Variants in CAMK2N2 observed in about 807,000 individuals in gnomAD.
The protein encoded by CAMK2N2 is calcium/calmodulin-dependent protein kinase II inhibitor 2.
In CAMK2N2, 3 loss-of-function variants were observed where a neutral mutation model predicts 7.8. That is an observed-to-expected ratio of 0.38 (90% CI 0.18 to 0.99). The LOEUF is 0.99. Ranked by LOEUF, CAMK2N2 falls within the 50% of genes least tolerant of loss-of-function variation. CAMK2N2 has a pLI of 0.37. For missense variants in CAMK2N2, 85 were observed against 108.4 expected (o/e 0.78, Z 0.96); for synonymous variants, 45 against 46.6 (o/e 0.97, Z 0.14).
rs73051621 is a variant in CAMK2N2 at position 184,260,534 on chromosome 3, C to T, written c.170-307G>A. 9.0e-4 allele frequency among the ~76,000 whole-genome samples: 137 copies of T among 152,304 alleles called. No homozygotes were observed. The highest frequency in any genetic ancestry group is 3.3e-3 in the African/African-American group (136 of 41,580). ...CTGAGTTGATCAGAAACCTCTTGCT[C>T]ACGGAATCCCCCTCTTCAACCCGCA... is the stretch of plus-strand genomic sequence containing the variant. On this transcript the variant is annotated intron_variant, in intron 1 of 1. Coordinates refer to ENST00000296238, the MANE Select transcript of CAMK2N2 (RefSeq NM_033259.3). This position sits in a 1 kb window ranked among gnomAD's most constrained non-coding sequence, Gnocchi z 6.6.
chr3:184,260,297 C>G lies in CAMK2N2; in HGVS notation c.170-70G>C. 8.2e-6 allele frequency: 12 copies of G among 1,456,304 alleles called. No homozygotes were observed. Among genetic ancestry groups the G allele is most frequent in the Non-Finnish European group, 1.1e-5 (12 of 1,052,108 alleles). The allele number at this position is 1,456,304 out of a possible 1,614,324, so 90.2% of individuals were successfully genotyped here. On this transcript the variant is annotated intron_variant, in intron 1 of 1. Coordinates refer to ENST00000296238, the MANE Select transcript of CAMK2N2 (RefSeq NM_033259.3). This position sits in a 1 kb window ranked among gnomAD's most constrained non-coding sequence, Gnocchi z 6.6. The stretch of plus-strand genomic sequence containing the variant: ...GCGGCGATGAGAATGAGCCCCGCGT[C>G]CTAGCTTCCCGCGCAGCTACTGCCC...
chr3:184,261,386 G>T lies in CAMK2N2; in HGVS notation c.-101C>A. The stretch of plus-strand genomic sequence containing the variant: ...CCCTACCTCAGCAGGGGAGCCGGCG[G>T]AAGGATGAAGTCATGCAGCATCCGG... On this transcript the variant is annotated 5_prime_UTR_variant, in exon 1 of 2. Coordinates refer to ENST00000296238, the MANE Select transcript of CAMK2N2 (RefSeq NM_033259.3). This position sits in a 1 kb window ranked among gnomAD's most constrained non-coding sequence, Gnocchi z 5.1. 1 of 1,032,012 alleles carries T rather than the reference G, an allele frequency of 9.7e-7. No homozygotes were observed. Among genetic ancestry groups the T allele is most frequent in the Non-Finnish European group, 1.3e-6 (1 of 783,320 alleles). The allele number at this position is 1,032,012 out of a possible 1,614,324, so 63.9% of individuals were successfully genotyped here.
rs1409157657 is a variant in CAMK2N2 at position 184,261,360 on chromosome 3, GC to G, written c.-76del. The G allele has an allele frequency of 8.0e-7, 1 of 1,257,056 alleles. No homozygotes were observed. Among genetic ancestry groups the G allele is most frequent in the East Asian group, 3.2e-5 (1 of 31,300 alleles). 77.9% of individuals were successfully genotyped at this position (1,257,056 alleles called of 1,614,324 possible). A position where few individuals can be genotyped will look rare whatever the true frequency, so the allele number is the denominator to read the frequency against. Reference sequence around the variant, plus strand: ...GGGCGGCGGGCTTGCTGCCGGACCGGCCCTACCTCAGCAGGGGAGCCGGCGG... The same window carrying G: ...GGGCGGCGGGCTTGCTGCCGGACCGGCCTACCTCAGCAGGGGAGCCGGCGG... On this transcript the variant is annotated 5_prime_UTR_variant, in exon 1 of 2. Coordinates refer to ENST00000296238, the MANE Select transcript of CAMK2N2 (RefSeq NM_033259.3). This position sits in a 1 kb window ranked among gnomAD's most constrained non-coding sequence, Gnocchi z 5.1.
Position 184,261,148 on chromosome 3 carries a change from G to A in CAMK2N2, c.138C>T (p.Pro46=), listed in dbSNP as rs75699255. ...FFAGNQAKRP[P]KLGQIGRAKR... ...TGGCTCGGCCGATCTGGCCCAGCTT[G>A]GGGGGTCGCTTGGCCTGGTTGCCCG... The change falls in exon 1 of 2, where the codon CCC becomes CCT. Residue 46 remains proline (P), a synonymous_variant. Transcript: ENST00000296238. The surrounding 1 kb of genome is among the most constrained non-coding windows in gnomAD (Gnocchi z 5.1). 5.8e-3 allele frequency: 9,251 copies of A among 1,606,150 alleles called. 463 individuals are homozygous for A. The African/African-American group carries it at 0.11, about 19-fold the overall frequency.
Position 184,260,172 on chromosome 3 carries a change from CG to C in CAMK2N2, c.224del (p.Pro75ArgfsTer148). On this transcript the variant is annotated frameshift_variant, in exon 2 of 2. Transcript: ENST00000296238. LOFTEE classifies it high-confidence loss of function. The surrounding 1 kb of genome is among the most constrained non-coding windows in gnomAD (Gnocchi z 6.6). ...GCCGGCGCGTCTACACTCCGGACGGCGGCTTCTCCCCCATCCCCTTCAGCAC... is the reference window on the plus strand; with the variant it reads ...GCCGGCGCGTCTACACTCCGGACGGCGCTTCTCCCCCATCCCCTTCAGCAC... Reference protein sequence around the residue: ...DDVLKGMGEKPPSGV With the variant: ...DDVLKGMGEKXPSGV 6.2e-7 allele frequency: 1 copy of C among 1,602,170 alleles called. No individual in the cohort carries two copies. Among genetic ancestry groups the C allele is most frequent in the Non-Finnish European group, 8.5e-7 (1 of 1,173,902 alleles).
chr3:184,259,819 G>T lies in CAMK2N2; in HGVS notation c.*338C>A, dbSNP rs929961132. 1 of 150,650 alleles carries T rather than the reference G, an allele frequency of 6.6e-6. No homozygotes were observed. Among genetic ancestry groups the T allele is most frequent in the African/African-American group, 2.4e-5 (1 of 41,166 alleles). The allele number at this position is 150,650 out of a possible 1,614,324, so 9.3% of individuals were successfully genotyped here. A position where few individuals can be genotyped will look rare whatever the true frequency, so the allele number is the denominator to read the frequency against. Reference sequence around the variant, plus strand: ...TGCAGACCAGACTGGCCGGAGGGGGGCGGGGCAGGGGAGCCGTGCGGGAGG... The same window carrying T: ...TGCAGACCAGACTGGCCGGAGGGGGTCGGGGCAGGGGAGCCGTGCGGGAGG... On this transcript the variant is annotated 3_prime_UTR_variant, in exon 2 of 2. Transcript: ENST00000296238.
In CAMK2N2 at chr3:184,260,329, C is replaced by T; in HGVS notation, c.170-102G>A. ...TCCCGCGCAGCTACTGCCCGTGGCCCAGCGACGCCCCTCGGAACCCTGTGC... is the reference window on the plus strand; with the variant it reads ...TCCCGCGCAGCTACTGCCCGTGGCCTAGCGACGCCCCTCGGAACCCTGTGC... On this transcript the variant is annotated intron_variant, in intron 1 of 1. Coordinates refer to ENST00000296238, the MANE Select transcript of CAMK2N2 (RefSeq NM_033259.3). The surrounding 1 kb of genome is among the most constrained non-coding windows in gnomAD (Gnocchi z 6.6). The T allele has an allele frequency of 1.8e-6, 2 of 1,121,398 alleles. No individual in the cohort carries two copies. The highest frequency in any genetic ancestry group is 1.3e-5 in the South Asian group (1 of 75,134). The allele number at this position is 1,121,398 out of a possible 1,614,324, so 69.5% of individuals were successfully genotyped here. A position where few individuals can be genotyped will look rare whatever the true frequency, so the allele number is the denominator to read the frequency against.
rs1350842509 is a variant in CAMK2N2, at chr3:184,260,333, G to A, written c.170-106C>T. 9.4e-7 allele frequency: 1 copy of A among 1,063,960 alleles called. No individual in the cohort carries two copies. Among genetic ancestry groups the A allele is most frequent in the Non-Finnish European group, 1.4e-6 (1 of 737,400 alleles). 65.9% of individuals were successfully genotyped at this position (1,063,960 alleles called of 1,614,324 possible). ...GCGCAGCTACTGCCCGTGGCCCAGC[G>A]ACGCCCCTCGGAACCCTGTGCCGCG... On this transcript the variant is annotated intron_variant, in intron 1 of 1. Transcript: ENST00000296238. This position sits in a 1 kb window ranked among gnomAD's most constrained non-coding sequence, Gnocchi z 6.6.
At position 184,261,228 on chromosome 3, in the gene CAMK2N2, C is replaced by G. The variant is rs556940963; in HGVS notation, c.58G>C (p.Glu20Gln). 6.3e-7 allele frequency: 1 copy of G among 1,582,630 alleles called. No individual in the cohort carries two copies. The highest frequency in any genetic ancestry group is 1.1e-5 in the South Asian group (1 of 90,150). ...CAGCTGAAGGAGAGGTCGGAGCCCT[C>G]GGGGTCTGCGCCGAAGCGGCCCATC... The part of the protein sequence containing the change: ...DKMGRFGADP[E>Q]GSDLSFSCRL... The change falls in exon 1 of 2, where the codon GAG (glutamate) becomes CAG (glutamine). Residue 20 changes from glutamate to glutamine, a missense_variant. Transcript: ENST00000296238. This position sits in a 1 kb window ranked among gnomAD's most constrained non-coding sequence, Gnocchi z 5.1.
rs761423851 is a variant in CAMK2N2, at chr3:184,260,184, C to T, written c.213G>A (p.Met71Ile). 17 of 1,609,670 alleles carry T rather than the reference C, an allele frequency of 1.1e-5. No homozygotes were observed. Among genetic ancestry groups the T allele is most frequent in the Admixed American group, 1.7e-5 (1 of 59,846 alleles). Reference protein sequence around the residue: ...DDRIDDVLKGMGEKPPSGV With the variant: ...DDRIDDVLKGIGEKPPSGV Reference sequence around the variant, plus strand: ...ACACTCCGGACGGCGGCTTCTCCCCCATCCCCTTCAGCACGTCGTCTATCC... The same window carrying T: ...ACACTCCGGACGGCGGCTTCTCCCCTATCCCCTTCAGCACGTCGTCTATCC... The change falls in exon 2 of 2, where the codon ATG becomes ATA. Residue 71 changes from methionine (M) to isoleucine (I), a missense_variant. Coordinates refer to ENST00000296238, the MANE Select transcript of CAMK2N2 (RefSeq NM_033259.3). This position sits in a 1 kb window ranked among gnomAD's most constrained non-coding sequence, Gnocchi z 6.6.
At position 184,260,078 on chromosome 3, in the gene CAMK2N2, C is replaced by G; in HGVS notation, c.*79G>C. 1 of 810,230 alleles carries G rather than the reference C, an allele frequency of 1.2e-6. No homozygotes were observed. Among genetic ancestry groups the G allele is most frequent in the Non-Finnish European group, 1.5e-6 (1 of 670,872 alleles). The allele number at this position is 810,230 out of a possible 1,614,324, so 50.2% of individuals were successfully genotyped here. A position where few individuals can be genotyped will look rare whatever the true frequency, so the allele number is the denominator to read the frequency against. On this transcript the variant is annotated 3_prime_UTR_variant, in exon 2 of 2. Coordinates refer to ENST00000296238, the MANE Select transcript of CAMK2N2 (RefSeq NM_033259.3). The surrounding 1 kb of genome is among the most constrained non-coding windows in gnomAD (Gnocchi z 6.6). Reference sequence around the variant, plus strand: ...GGGCGCCTGGGCCGGGGCGGGGGGGCGCCGGCAGCCGCATCGCCGGCCCGC... The same window carrying G: ...GGGCGCCTGGGCCGGGGCGGGGGGGGGCCGGCAGCCGCATCGCCGGCCCGC...
At position 184,259,494 on chromosome 3, in the gene CAMK2N2, C is replaced by T. The variant is rs911121218; in HGVS notation, c.*663G>A. ...CTGGCCATGTGGTTGGTAACCGTGT[C>T]GGGGGCTTGTCTCATCCCAGCCTCA... is the stretch of plus-strand genomic sequence containing the variant. On this transcript the variant is annotated 3_prime_UTR_variant, in exon 2 of 2. Transcript: ENST00000296238. 1 of 152,756 alleles carries T rather than the reference C, an allele frequency of 6.5e-6. No homozygotes were observed. Among genetic ancestry groups the T allele is most frequent in the Non-Finnish European group, 1.5e-5 (1 of 68,162 alleles). 9.5% of individuals were successfully genotyped at this position (152,756 alleles called of 1,614,324 possible).
Position 184,260,536 on chromosome 3 carries a change from C to T in CAMK2N2, c.170-309G>A, listed in dbSNP as rs1330193506. On this transcript the variant is annotated intron_variant, in intron 1 of 1. Coordinates refer to ENST00000296238, the MANE Select transcript of CAMK2N2 (RefSeq NM_033259.3). This position sits in a 1 kb window ranked among gnomAD's most constrained non-coding sequence, Gnocchi z 6.6. Reference sequence around the variant, plus strand: ...GAGTTGATCAGAAACCTCTTGCTCACGGAATCCCCCTCTTCAACCCGCACT... The same window carrying T: ...GAGTTGATCAGAAACCTCTTGCTCATGGAATCCCCCTCTTCAACCCGCACT... Among the ~76,000 whole-genome samples the T allele has an allele frequency of 6.6e-6, 1 of 152,222 alleles. No individual in the cohort carries two copies. Among genetic ancestry groups the T allele is most frequent in the African/African-American group, 2.4e-5 (1 of 41,462 alleles).
rs1719994811 is a variant in CAMK2N2 at position 184,260,282 on chromosome 3, GA to G, written c.170-56del. On this transcript the variant is annotated intron_variant, in intron 1 of 1. Transcript: ENST00000296238. This position sits in a 1 kb window ranked among gnomAD's most constrained non-coding sequence, Gnocchi z 6.6. ...CGGCCTCGGGGGGCGGCGGCGATGA[GA>G]ATGAGCCCCGCGTCCTAGCTTCCCG... is the stretch of plus-strand genomic sequence containing the variant. 1 of 1,540,756 alleles carries G rather than the reference GA, an allele frequency of 6.5e-7. No homozygotes were observed. The highest frequency in any genetic ancestry group is 1.4e-5 in the African/African-American group (1 of 73,244).
Position 184,261,130 on chromosome 3 carries a change from G to A in CAMK2N2, c.156C>T (p.Gly52=), listed in dbSNP as rs1720031410. Residue 52 remains glycine (G), a synonymous_variant, in exon 1 of 2, where the codon GGC becomes GGT. Coordinates refer to ENST00000296238, the MANE Select transcript of CAMK2N2 (RefSeq NM_033259.3). The surrounding 1 kb of genome is among the most constrained non-coding windows in gnomAD (Gnocchi z 5.1). The part of the protein sequence containing the change: ...AKRPPKLGQI[G]RAKRVVIEDD... ...CGGGCCGCGTACCTCGCTTGGCTCG[G>A]CCGATCTGGCCCAGCTTGGGGGGTC... 3.1e-6 allele frequency: 5 copies of A among 1,603,544 alleles called. No individual in the cohort carries two copies. The highest frequency in any genetic ancestry group is 4.2e-6 in the Non-Finnish European group (5 of 1,176,470).
In CAMK2N2 at chr3:184,260,202, G is replaced by C. The variant is rs1312687886; in HGVS notation, c.195C>G (p.Asp65Glu). The change falls in exon 2 of 2, where the codon GAC becomes GAG. Residue 65 changes from aspartate (D) to glutamate (E), a missense_variant. By Grantham distance (45) the Asp-to-Glu change is conservative (BLOSUM62 2). Transcript: ENST00000296238. The surrounding 1 kb of genome is among the most constrained non-coding windows in gnomAD (Gnocchi z 6.6). ...TCTCCCCCATCCCCTTCAGCACGTC[G>C]TCTATCCGGTCATCCTCGATCACCA... The part of the protein sequence containing the change: ...KRVVIEDDRI[D>E]DVLKGMGEKP... 2 of 1,610,588 alleles carry C rather than the reference G, an allele frequency of 1.2e-6. No homozygotes were observed. The highest frequency in any genetic ancestry group is 1.7e-6 in the Non-Finnish European group (2 of 1,178,568).
Position 184,261,381 on chromosome 3 carries a change from C to G in CAMK2N2, c.-96G>C, listed in dbSNP as rs1047352996. 9.2e-7 allele frequency: 1 copy of G among 1,087,838 alleles called. No homozygotes were observed. The highest frequency in any genetic ancestry group is 3.4e-5 in the East Asian group (1 of 29,734). 67.4% of individuals were successfully genotyped at this position (1,087,838 alleles called of 1,614,324 possible). On this transcript the variant is annotated 5_prime_UTR_variant, in exon 1 of 2. Transcript: ENST00000296238. The surrounding 1 kb of genome is among the most constrained non-coding windows in gnomAD (Gnocchi z 5.1). Reference sequence around the variant, plus strand: ...ACCGGCCCTACCTCAGCAGGGGAGCCGGCGGAAGGATGAAGTCATGCAGCA... The same window carrying G: ...ACCGGCCCTACCTCAGCAGGGGAGCGGGCGGAAGGATGAAGTCATGCAGCA...
In CAMK2N2 at chr3:184,260,032, G is replaced by C. The variant is rs1480715056; in HGVS notation, c.*125C>G. On this transcript the variant is annotated 3_prime_UTR_variant, in exon 2 of 2. Transcript: ENST00000296238. This position sits in a 1 kb window ranked among gnomAD's most constrained non-coding sequence, Gnocchi z 6.6. ...GAGTGCCTGGCGGCGGCGGCGGCACGGCCCTGCAGCCCCCGCCCGCGGGCG... is the reference window on the plus strand; with the variant it reads ...GAGTGCCTGGCGGCGGCGGCGGCACCGCCCTGCAGCCCCCGCCCGCGGGCG... The C allele has an allele frequency of 2.0e-5, 6 of 300,460 alleles. No individual in the cohort carries two copies. Among genetic ancestry groups the C allele is most frequent in the Non-Finnish European group, 2.9e-5 (6 of 206,790 alleles). 18.6% of individuals were successfully genotyped at this position (300,460 alleles called of 1,614,324 possible).
In CAMK2N2 at chr3:184,261,093, C is replaced by T. The variant is rs1720029535; in HGVS notation, c.169+24G>A. ...GGCGGAGGGTTTCTGGGTCAGGCGG[C>T]GACTCCGGGCCCGGGCCGCGTACCT... On this transcript the variant is annotated intron_variant, in intron 1 of 1. Coordinates refer to ENST00000296238, the MANE Select transcript of CAMK2N2 (RefSeq NM_033259.3). The surrounding 1 kb of genome is among the most constrained non-coding windows in gnomAD (Gnocchi z 5.1). 1 of 1,581,016 alleles carries T rather than the reference C, an allele frequency of 6.3e-7. No homozygotes were observed. Among genetic ancestry groups the T allele is most frequent in the East Asian group, 2.4e-5 (1 of 41,940 alleles).
Sources: gnomAD v4.1 joint callset for allele counts (sites outside exome capture counted in the v4.1 genomes callset) on GRCh38, gnomAD v4.1.1 for gene constraint, Gnocchi (gnomAD v3.1) non-coding constraint, MANE v1.5 for transcripts, NCBI Gene and HGNC (gene_info 2026-07-23, HGNC 2026-07-21) for gene names.